Variants in LEFTY2 observed in about 807,000 individuals in gnomAD.
The protein encoded by LEFTY2 is left-right determination factor 2.
In LEFTY2, 10 loss-of-function variants were observed where a neutral mutation model predicts 26.4. The ratio of observed to expected loss-of-function variants is 0.38; its 90% CI spans 0.23 to 0.64. The LOEUF is 0.64. Among genes scored for constraint, LEFTY2 ranks in the 30% least tolerant of loss-of-function variants. The pLI, the probability that LEFTY2 is intolerant of heterozygous loss-of-function variation, is 0.56. For synonymous variants in LEFTY2, 204 were observed against 234.1 expected, an observed-to-expected ratio of 0.87 and a Z score of 1.17; for missense variants, 407 against 502.1, an observed-to-expected ratio of 0.81 and a Z score of 1.81.
chr1:225,937,900 A>G, intron 3 of LEFTY2, 96 bp from the exon 4 acceptor site: 1 of 1,452,968 alleles, frequency 6.9e-7, no homozygotes, highest in East Asian at 2.4e-5. Context: ...AGGGAGGTTT[A>G]TGATCCAGCT....
chr1:225,940,075 G>A, intron 1 of LEFTY2, 73 bp from the exon 2 acceptor site: 2 of 1,589,582 alleles, frequency 1.3e-6, no homozygotes, highest in Non-Finnish European at 1.7e-6. Flanking sequence ...GGGCCACTGA[G>A]CTGGCAGCCA....
At position 225,937,186 on chromosome 1, in the gene LEFTY2, G is replaced by A; in HGVS notation, c.*255C>T. 2 of 596,112 alleles carry A rather than the reference G, an allele frequency of 3.4e-6. No homozygotes were observed. The highest frequency in any genetic ancestry group is 2.0e-5 in the South Asian group (1 of 49,832). The allele number at this position is 596,112 out of a possible 1,614,324, so 36.9% of individuals were successfully genotyped here. A position where few individuals can be genotyped will look rare whatever the true frequency, so the allele number is the denominator to read the frequency against. ...ACTCCCAGCTGAAAATGTGTGCATTGCTCAGCTGTATCTTGTAATCAGCAT... is the reference window on the plus strand; with the variant it reads ...ACTCCCAGCTGAAAATGTGTGCATTACTCAGCTGTATCTTGTAATCAGCAT... On this transcript the variant is annotated 3_prime_UTR_variant, in exon 4 of 4. Transcript: ENST00000366820.
chr1:225,939,659 C>A lies in LEFTY2; in HGVS notation c.498-59G>T, dbSNP rs1403177454. 9.9e-6 allele frequency: 16 copies of A among 1,611,854 alleles called. No homozygotes were observed. The highest frequency in any genetic ancestry group is 1.3e-5 in the Non-Finnish European group (15 of 1,179,668). On this transcript the variant is annotated intron_variant, in intron 2 of 3. Coordinates refer to ENST00000366820, the MANE Select transcript of LEFTY2 (RefSeq NM_003240.5). The surrounding 1 kb of genome is among the most constrained non-coding windows in gnomAD (Gnocchi z 4.1). The stretch of plus-strand genomic sequence containing the variant: ...CGCCGCTTGAGGGCGGGGACTGGGA[C>A]GGGCCCCGAGGACCCTGCACCGCCC...
Position 225,939,695 on chromosome 1 carries a change from C to T in LEFTY2, c.497+61G>A. ...GACCCTGCACCGCCCCCTGCGTCCC[C>T]GCCCCCAAGCCGGGCCGAGCAGCCT... is the stretch of plus-strand genomic sequence containing the variant. On this transcript the variant is annotated intron_variant, in intron 2 of 3. Transcript: ENST00000366820. This position sits in a 1 kb window ranked among gnomAD's most constrained non-coding sequence, Gnocchi z 4.1. 1 of 1,608,800 alleles carries T rather than the reference C, an allele frequency of 6.2e-7. No individual in the cohort carries two copies. The highest frequency in any genetic ancestry group is 1.3e-5 in the African/African-American group (1 of 74,962).
rs762406763 is a variant in LEFTY2 at position 225,939,498 on chromosome 1, C to G, written c.600G>C (p.Gln200His). ...CCAGATGCTCCCTCTGCACCGACAC[C>G]TGTAGCAGCAGCGGCTGCCGGGGCC... ...LSRPRQPLLL[Q>H]VSVQREHLGP... The change falls in exon 3 of 4, where the codon CAG becomes CAC. Residue 200 changes from glutamine to histidine, a missense_variant. Physicochemically the swap from Gln to His is conservative, Grantham distance 24 (BLOSUM62 0). Transcript: ENST00000366820. The surrounding 1 kb of genome is among the most constrained non-coding windows in gnomAD (Gnocchi z 4.1). The G allele has an allele frequency of 5.6e-6, 9 of 1,611,526 alleles. No individual in the cohort carries two copies. The highest frequency in any genetic ancestry group is 1.3e-5 in the African/African-American group (1 of 75,034).
Position 225,937,124 on chromosome 1 carries a change from G to C in LEFTY2, c.*317C>G, listed in dbSNP as rs114492272. 1,419 of 496,126 alleles carry C rather than the reference G, an allele frequency of 2.9e-3. 20 individuals carry two copies. Among genetic ancestry groups the C allele is most frequent in the African/African-American group, 0.023 (1,165 of 51,638 alleles). The allele number at this position is 496,126 out of a possible 1,614,324, so 30.7% of individuals were successfully genotyped here. ...CCAGTTCTAATCATAGGGTATTATTGTTCCAGACTCAGTGAAGAATTTGCC... is the reference window on the plus strand; with the variant it reads ...CCAGTTCTAATCATAGGGTATTATTCTTCCAGACTCAGTGAAGAATTTGCC... On this transcript the variant is annotated 3_prime_UTR_variant, in exon 4 of 4. Coordinates refer to ENST00000366820, the MANE Select transcript of LEFTY2 (RefSeq NM_003240.5).
Position 225,940,943 on chromosome 1 carries a change from C to T in LEFTY2, c.198G>A (p.Arg66=), listed in dbSNP as rs374435067. The T allele has an allele frequency of 3.8e-4, 609 of 1,613,714 alleles. 3 individuals carry two copies. In the South Asian group the frequency reaches 6.3e-3, roughly 17 times the overall value. The change falls in exon 1 of 4, where the codon CGG becomes CGA. Residue 66 remains arginine, a synonymous_variant. Coordinates refer to ENST00000366820, the MANE Select transcript of LEFTY2 (RefSeq NM_003240.5). ...HVRAQYVVLL[R]RSHGDRSRGK... is the part of the protein sequence containing the mutation. The stretch of plus-strand genomic sequence containing the variant: ...CGCGGGAGCGGTCCCCGTGGCTGCG[C>T]CGCAGCAGGACTACATACTGGGCCC...
chr1:225,939,179 A>G lies in LEFTY2; in HGVS notation c.737+182T>C, dbSNP rs1672233371. ...AGCCACCACGCCTGGCCAACAATAC[A>G]ATTTCTGCCATTAGAAACCCTGACA... On this transcript the variant is annotated intron_variant, in intron 3 of 3. Coordinates refer to ENST00000366820, the MANE Select transcript of LEFTY2 (RefSeq NM_003240.5). This position sits in a 1 kb window ranked among gnomAD's most constrained non-coding sequence, Gnocchi z 4.1. 6.6e-6 allele frequency among the ~76,000 whole-genome samples: 1 copy of G among 152,084 alleles called. No individual in the cohort carries two copies. The highest frequency in any genetic ancestry group is 2.4e-5 in the African/African-American group (1 of 41,402).
At chr1:225,940,760 T>C (rs1418595621) in intron 1 of LEFTY2, 131 bp downstream of exon 1, 3 of 1,412,872 alleles carry the variant, frequency 2.1e-6, no homozygotes, top group African/African-American at 2.8e-5. Context: ...TCACTGCTCC[T>C]TGGACCGTGG....
chr1:225,938,784 A>G (rs1233235998), intron 3 of LEFTY2, among the ~76,000 whole-genome samples: 1 of 151,786 alleles, frequency 6.6e-6, no homozygotes, highest in Non-Finnish European at 1.5e-5. Flanking sequence ...TCAGCTTCCC[A>G]AAGTGTTGGG....
Position 225,939,636 on chromosome 1 carries a change from C to G in LEFTY2, c.498-36G>C. 1 of 1,612,330 alleles carries G rather than the reference C, an allele frequency of 6.2e-7. No individual in the cohort carries two copies. Among genetic ancestry groups the G allele is most frequent in the Non-Finnish European group, 8.5e-7 (1 of 1,179,780 alleles). ...ATACACACGACACGGAGACCCAGCG[C>G]CGCTTGAGGGCGGGGACTGGGACGG... On this transcript the variant is annotated intron_variant, in intron 2 of 3. Coordinates refer to ENST00000366820, the MANE Select transcript of LEFTY2 (RefSeq NM_003240.5). The surrounding 1 kb of genome is among the most constrained non-coding windows in gnomAD (Gnocchi z 4.1).
Position 225,941,192 on chromosome 1 carries a change from T to C in LEFTY2, c.-52A>G, listed in dbSNP as rs1196405463. On this transcript the variant is annotated 5_prime_UTR_variant, in exon 1 of 4. Coordinates refer to ENST00000366820, the MANE Select transcript of LEFTY2 (RefSeq NM_003240.5). Reference sequence around the variant, plus strand: ...AGAGTGGGGCTGTCCTCTAGGGAGGTTGAAGGAGGGTCTCAGGCAGCTGGG... The same window carrying C: ...AGAGTGGGGCTGTCCTCTAGGGAGGCTGAAGGAGGGTCTCAGGCAGCTGGG... 8 of 1,484,588 alleles carry C rather than the reference T, an allele frequency of 5.4e-6. No individual in the cohort carries two copies. Among genetic ancestry groups the C allele is most frequent in the Non-Finnish European group, 7.1e-6 (8 of 1,124,620 alleles). 92.0% of individuals were successfully genotyped at this position (1,484,588 alleles called of 1,614,324 possible).
At chr1:225,940,139 C>T (rs1319290968) in intron 1 of LEFTY2, 137 bp from the exon 2 acceptor site, 1 of 1,401,012 alleles carries the variant, frequency 7.1e-7, no homozygotes, top group Non-Finnish European at 9.8e-7. Context: ...GTTTACAAAT[C>T]TTCCTTGGAT....
chr1:225,939,028 C>T lies in LEFTY2; in HGVS notation c.737+333G>A, dbSNP rs146772130. Among the ~76,000 whole-genome samples, 12,076 of 151,888 alleles carry T rather than the reference C, an allele frequency of 0.08. 634 individuals carry two copies. The highest frequency in any genetic ancestry group is 0.13 in the South Asian group (631 of 4,798). On this transcript the variant is annotated intron_variant, in intron 3 of 3. Transcript: ENST00000366820. This position sits in a 1 kb window ranked among gnomAD's most constrained non-coding sequence, Gnocchi z 4.1. ...CTGGGATTACAGGCACGCGCCACCA[C>T]GCCCGGCTAATTTTTGTATTTTTGG... is the stretch of plus-strand genomic sequence containing the variant.
chr1:225,939,263 G>GC lies in LEFTY2; in HGVS notation c.737+97dup. On this transcript the variant is annotated intron_variant, in intron 3 of 3. Coordinates refer to ENST00000366820, the MANE Select transcript of LEFTY2 (RefSeq NM_003240.5). This position sits in a 1 kb window ranked among gnomAD's most constrained non-coding sequence, Gnocchi z 4.1. ...CTGCACCGCGCTCTCCCTACCCCTA[G>GC]CCCACCGCCACCATCCGGTCCCCCA... 6.4e-7 allele frequency: 1 copy of GC among 1,569,298 alleles called. No individual in the cohort carries two copies. The highest frequency in any genetic ancestry group is 8.6e-7 in the Non-Finnish European group (1 of 1,156,388).
Position 225,939,286 on chromosome 1 carries a change from C to A in LEFTY2, c.737+75G>T. ...TAGCCCACCGCCACCATCCGGTCCC[C>A]CAGACAGTCCTGGGGACGGGGGTCT... On this transcript the variant is annotated intron_variant, in intron 3 of 3. Coordinates refer to ENST00000366820, the MANE Select transcript of LEFTY2 (RefSeq NM_003240.5). The surrounding 1 kb of genome is among the most constrained non-coding windows in gnomAD (Gnocchi z 4.1). 2 of 1,601,432 alleles carry A rather than the reference C, an allele frequency of 1.2e-6. No homozygotes were observed. Among genetic ancestry groups the A allele is most frequent in the Non-Finnish European group, 1.7e-6 (2 of 1,174,790 alleles).
chr1:225,941,066 C>T lies in LEFTY2; in HGVS notation c.75G>A (p.Glu25=), dbSNP rs1204808665. Residue 25 remains glutamate (E), a synonymous_variant, in exon 1 of 4, where the codon GAG becomes GAA. Transcript: ENST00000366820. The part of the protein sequence containing the change: ...LAGPGAALTE[E]QLLGSLLRQL... ...GCCGCAGCAGGCTGCCCAGGAGCTG[C>T]TCCTCGGTCAGGGCCGCCCCGGGGC... 3 of 1,608,322 alleles carry T rather than the reference C, an allele frequency of 1.9e-6. No individual in the cohort carries two copies. Among genetic ancestry groups the T allele is most frequent in the East Asian group, 4.5e-5 (2 of 44,732 alleles).
Position 225,941,214 on chromosome 1 carries a change from T to A in LEFTY2, c.-74A>T. 5 of 1,176,416 alleles carry A rather than the reference T, an allele frequency of 4.3e-6. No individual in the cohort carries two copies. The highest frequency in any genetic ancestry group is 5.4e-6 in the Non-Finnish European group (5 of 929,580). The allele number at this position is 1,176,416 out of a possible 1,614,324, so 72.9% of individuals were successfully genotyped here. On this transcript the variant is annotated 5_prime_UTR_variant, in exon 1 of 4. Coordinates refer to ENST00000366820, the MANE Select transcript of LEFTY2 (RefSeq NM_003240.5). ...AGGTTGAAGGAGGGTCTCAGGCAGC[T>A]GGGTGTGCTGAGAGCCAGGCTGGGC...
chr1:225,939,352 T>C lies in LEFTY2; in HGVS notation c.737+9A>G. ...TGCTTGCCTCCCTTCTGCCCAGTCC[T>C]GCACCTACCCATAGTCCCTGAGGTC... On this transcript the variant is annotated intron_variant, in intron 3 of 3. Transcript: ENST00000366820. This position sits in a 1 kb window ranked among gnomAD's most constrained non-coding sequence, Gnocchi z 4.1. 6.2e-7 allele frequency: 1 copy of C among 1,613,516 alleles called. No homozygotes were observed. Among genetic ancestry groups the C allele is most frequent in the Middle Eastern group, 1.7e-4 (1 of 6,056 alleles).
Sources: gnomAD v4.1 joint callset for allele counts (sites outside exome capture counted in the v4.1 genomes callset) on GRCh38, gnomAD v4.1.1 for gene constraint, Gnocchi (gnomAD v3.1) non-coding constraint, MANE v1.5 for transcripts, NCBI Gene and HGNC (gene_info 2026-07-23, HGNC 2026-07-21) for gene names.